CCDC149: variants seen among roughly 807,000 people sequenced by gnomAD.
CCDC149 encodes the protein coiled-coil domain-containing protein 149.
In CCDC149, 45 loss-of-function variants were observed where a neutral mutation model predicts 59.9. That is an observed-to-expected ratio of 0.75 (90% CI 0.59 to 0.96). CCDC149 has a LOEUF of 0.96. Among genes scored for constraint, CCDC149 ranks in the 40% least tolerant of loss-of-function variants. The pLI is 0.00. For missense variants in CCDC149, 584 were observed against 664.7 expected (o/e 0.88, Z 1.33); for synonymous variants, 245 against 260.6 (o/e 0.94, Z 0.58).
chr4:24,831,642 G>T lies in CCDC149; in HGVS notation c.829C>A (p.Leu277Met). The change falls in exon 9 of 13, where the codon CTG (leucine) becomes ATG (methionine). Residue 277 changes from leucine (L) to methionine (M), a missense_variant. Transcript: ENST00000635206. The stretch of plus-strand genomic sequence containing the variant: ...CTGCATCCATGATCCTCAGATAGCA[G>T]ATCCTGAACTAGATAGGATACAAAA... The T allele has an allele frequency of 6.2e-7, 1 of 1,613,754 alleles. No individual in the cohort carries two copies. The highest frequency in any genetic ancestry group is 8.5e-7 in the Non-Finnish European group (1 of 1,179,878).
chr4:24,894,487 T>G (rs1200481243), intron 1 of CCDC149, among the ~76,000 whole-genome samples: 2 of 152,094 alleles, frequency 1.3e-5, no homozygotes, highest in Non-Finnish European at 2.9e-5. Flanking sequence ...GCTTTTCTCC[T>G]CCTTGTTGGT....
Position 24,899,493 on chromosome 4 carries a change from G to A in CCDC149, c.63+13324C>T, listed in dbSNP as rs551923652. 2.0e-5 allele frequency among the ~76,000 whole-genome samples: 3 copies of A among 152,298 alleles called. No homozygotes were observed. In the South Asian group the frequency reaches 6.2e-4, roughly 32 times the overall value. ...TATCAGAGGCTGCACAGCCAGGATC[G>A]AGTCCTAAAGAAAGACCACTGGGTG... is the stretch of plus-strand genomic sequence containing the variant. On this transcript the variant is annotated intron_variant, in intron 1 of 12. Coordinates refer to ENST00000635206, the MANE Select transcript of CCDC149 (RefSeq NM_001330643.2).
intron 1 of CCDC149, among the ~76,000 whole-genome samples, chr4:24,960,376 TACTC>T (rs760122374): frequency 2.6e-5 from 4 of 152,204 alleles, no homozygotes; most frequent in South Asian, 2.1e-4. Flanking sequence ...TCACAGAAAA[TACTC>T]AGTCCCAAAG....
At chr4:24,901,996 C>G (rs1007926897) in intron 1 of CCDC149, among the ~76,000 whole-genome samples, 1 of 152,194 alleles carries the variant, frequency 6.6e-6, no homozygotes, top group Non-Finnish European at 1.5e-5. Context: ...TATTGAGCAC[C>G]TGCAATGGGC....
At chr4:24,816,654 G>A (rs1715030981) in intron 12 of CCDC149, among the ~76,000 whole-genome samples, 1 of 152,026 alleles carries the variant, frequency 6.6e-6, no homozygotes, top group African/African-American at 2.4e-5. Flanking sequence ...AAAAATAATA[G>A]TAATTATTCA....
At chr4:24,812,553 G>A (rs1307094997) in intron 12 of CCDC149, among the ~76,000 whole-genome samples, 1 of 152,166 alleles carries the variant, frequency 6.6e-6, no homozygotes, top group Non-Finnish European at 1.5e-5. Context: ...TTGCAGTTTC[G>A]GTAATGCTTC....
At chr4:24,849,694 A>C (rs1717533830) in intron 4 of CCDC149, among the ~76,000 whole-genome samples, 1 of 152,224 alleles carries the variant, frequency 6.6e-6, no homozygotes, top group Non-Finnish European at 1.5e-5. Flanking sequence ...GTAATTTCCT[A>C]TCACCTTGTT....
At chr4:24,866,882 C>T (rs1718737455) in intron 3 of CCDC149, among the ~76,000 whole-genome samples, 1 of 151,490 alleles carries the variant, frequency 6.6e-6, no homozygotes, top group African/African-American at 2.4e-5. Flanking sequence ...AGAAGACTGG[C>T]TTAGCAGGTA....
upstream of CCDC149, among the ~76,000 whole-genome samples, chr4:24,914,401 A>G (rs531672227): frequency 1.9e-4 from 29 of 151,436 alleles, no homozygotes; most frequent in Admixed American, 2.6e-4. Context: ...AAAAAAAAAA[A>G]AAAGAAAAAA....
intron 3 of CCDC149, among the ~76,000 whole-genome samples, chr4:24,858,372 G>A (rs1213339532): frequency 6.6e-6 from 1 of 152,140 alleles, no homozygotes; most frequent in Non-Finnish European, 1.5e-5. Flanking sequence ...AGCATAAATA[G>A]CAAAACATAA....
chr4:24,914,289 C>G (rs1294441912), upstream of CCDC149, among the ~76,000 whole-genome samples: 3 of 151,426 alleles, frequency 2.0e-5, no homozygotes, highest in East Asian at 5.8e-4. Context: ...GCAATCATTC[C>G]CCTTCTTTGT....
chr4:24,897,345 G>A (rs59545401), intron 1 of CCDC149, among the ~76,000 whole-genome samples: 17,678 of 152,174 alleles, frequency 0.12, 1,116 homozygotes, highest in Non-Finnish European at 0.13. Flanking sequence ...AATAAGTCTG[G>A]AAAGTTTGGT....
intron 1 of CCDC149, among the ~76,000 whole-genome samples, chr4:24,954,698 C>G (rs1352876159): frequency 6.6e-6 from 1 of 152,176 alleles, no homozygotes; most frequent in East Asian, 1.9e-4. Context: ...GGCCCCCTCC[C>G]TAGAAACAGT....
intron 1 of CCDC149, among the ~76,000 whole-genome samples, chr4:24,888,930 GATCT>G (rs1260795495): frequency 6.7e-6 from 1 of 148,718 alleles, no homozygotes; most frequent in Non-Finnish European, 1.5e-5. Context: ...TTTTTTTTAT[GATCT>G]ATCTTTCTCA....
chr4:24,905,530 G>A (rs1158285067), intron 1 of CCDC149, among the ~76,000 whole-genome samples: 1 of 151,044 alleles, frequency 6.6e-6, no homozygotes, highest in African/African-American at 2.4e-5. Flanking sequence ...CCACCTACTG[G>A]GTTCAAGTGA....
intron 1 of CCDC149, among the ~76,000 whole-genome samples, chr4:24,928,042 C>G (rs1384343984): frequency 6.6e-6 from 1 of 152,202 alleles, no homozygotes; most frequent in Non-Finnish European, 1.5e-5. Context: ...CTGAAAATGT[C>G]AGGCAATACA....
intron 3 of CCDC149, among the ~76,000 whole-genome samples, chr4:24,854,505 G>A (rs917134578): frequency 1.3e-5 from 2 of 152,120 alleles, no homozygotes; most frequent in East Asian, 1.9e-4. Flanking sequence ...GTCAAACGAG[G>A]GATATTAGAG....
intron 1 of CCDC149, among the ~76,000 whole-genome samples, chr4:24,904,542 T>A (rs1183005772): frequency 6.6e-6 from 1 of 152,220 alleles, no homozygotes; most frequent in African/African-American, 2.4e-5. Context: ...TTCTCTTCAA[T>A]CCTACCTAGG....
At chr4:24,880,907 C>A (rs1324825877) in intron 1 of CCDC149, among the ~76,000 whole-genome samples, 1 of 152,158 alleles carries the variant, frequency 6.6e-6, no homozygotes, top group Admixed American at 6.5e-5. Flanking sequence ...GTTCCCAGGG[C>A]ACTCACCACC....
Sources: gnomAD v4.1 joint callset for allele counts (sites outside exome capture counted in the v4.1 genomes callset) on GRCh38, gnomAD v4.1.1 for gene constraint, MANE v1.5 for transcripts, NCBI Gene and HGNC (gene_info 2026-07-23, HGNC 2026-07-21) for gene names.